Variants in POLE observed in about 807,000 individuals in gnomAD.
POLE encodes the protein DNA polymerase epsilon catalytic subunit A.
A neutral mutation model predicts 279.2 loss-of-function variants in POLE; 188 were observed. The observed-to-expected ratio is 0.67, with a 90% CI of 0.60 to 0.76. POLE has a LOEUF of 0.76. Ranked by LOEUF, POLE falls within the 30% of genes least tolerant of loss-of-function variation. The pLI, the probability that POLE is intolerant of heterozygous loss-of-function variation, is 0.00. For missense variants in POLE, 2,703 were observed against 3,016.7 expected (o/e 0.90, Z 2.44); for synonymous variants, 1,214 against 1,172.5 (o/e 1.04, Z -0.72).
At chr12:132,681,609 C>T (rs2043169517) in intron 1 of POLE, among the ~76,000 whole-genome samples, 1 of 151,742 alleles carries the variant, frequency 6.6e-6, no homozygotes, top group Non-Finnish European at 1.5e-5. Flanking sequence ...TTCTGCAACC[C>T]TCATCCCACC....
At chr12:132,685,414 A>G (rs554322985) in intron 1 of POLE, among the ~76,000 whole-genome samples, 1 of 152,366 alleles carries the variant, frequency 6.6e-6, no homozygotes, top group South Asian at 2.1e-4. Flanking sequence ...GACAACCCCT[A>G]CGAGGGAGGC....
At position 132,634,864 on chromosome 12, in the gene POLE, C is replaced by T. The variant is rs537840496; in HGVS notation, c.5812-486G>A. ...CCACACGCTGATCCCCTCCTCAGAG[C>T]GGTCTACACTGCCTGAGTTTCTACC... On this transcript the variant is annotated intron_variant, in intron 42 of 48. Transcript: ENST00000320574. The surrounding 1 kb of genome is among the most constrained non-coding windows in gnomAD (Gnocchi z 4.0). 2.0e-5 allele frequency among the ~76,000 whole-genome samples: 3 copies of T among 151,810 alleles called. No individual in the cohort carries two copies. The highest frequency in any genetic ancestry group is 6.6e-5 in the Admixed American group (1 of 15,260).
At chr12:132,686,169 G>C (rs2043259562) in intron 1 of POLE, among the ~76,000 whole-genome samples, 1 of 152,010 alleles carries the variant, frequency 6.6e-6, no homozygotes, top group South Asian at 2.1e-4. Context: ...GAGCCACCGC[G>C]CCGGGCCTCA....
intron 16 of POLE, among the ~76,000 whole-genome samples, chr12:132,671,147 C>A (rs1317981013): frequency 2.6e-5 from 4 of 151,272 alleles, no homozygotes; most frequent in Non-Finnish European, 5.9e-5. Context: ...CCTGTAATCC[C>A]AGCTACTCAG....
chr12:132,655,957 G>C (rs1051977044), intron 29 of POLE, among the ~76,000 whole-genome samples: 1 of 152,054 alleles, frequency 6.6e-6, no homozygotes, highest in Non-Finnish European at 1.5e-5. Context: ...GAGGTCAGGA[G>C]TTTGAGACCA....
chr12:132,657,027 C>T (rs566604008), intron 29 of POLE, 109 bp downstream of exon 29: 37 of 1,227,188 alleles, frequency 3.0e-5, no homozygotes, highest in East Asian at 4.7e-5. Flanking sequence ...AGTCCATTTT[C>T]GATGCTTGAA....
At position 132,665,410 on chromosome 12, in the gene POLE, T is replaced by C. The variant is rs1429203669; in HGVS notation, c.2360A>G (p.Asp787Gly). ...KKLSAAVEVG[D>G]AAEVKRCKNM... ...CTTGCAGCGCTTCACCTCAGCCGCG[T>C]CGCCCACCTCCACGGCCGCCGAGAG... Residue 787 changes from aspartate (D) to glycine (G), a missense_variant, in exon 21 of 49, where the codon GAC (aspartate) becomes GGC (glycine). Around this residue, in one of 5 missense-constraint regions of POLE, gnomAD observed 1,011 missense variants for 1,111.7 expected, o/e 0.91. Coordinates refer to ENST00000320574, the MANE Select transcript of POLE (RefSeq NM_006231.4). 3 of 1,613,266 alleles carry C rather than the reference T, an allele frequency of 1.9e-6. No individual in the cohort carries two copies. In the South Asian group the frequency reaches 3.3e-5, roughly 18 times the overall value.
At chr12:132,650,060 A>G (rs970437640) in intron 29 of POLE, among the ~76,000 whole-genome samples, 171 bp from the exon 30 acceptor site, 5 of 152,046 alleles carry the variant, frequency 3.3e-5, no homozygotes, top group African/African-American at 1.2e-4. Flanking sequence ...TATATTACAA[A>G]TTAGCCAGGC....
chr12:132,637,453 A>G (rs967069081), intron 41 of POLE, among the ~76,000 whole-genome samples: 3 of 152,100 alleles, frequency 2.0e-5, no homozygotes, highest in South Asian at 4.1e-4. Context: ...GCTGGTGGAG[A>G]TTTTTCTGTT....
chr12:132,686,852 C>A (rs1248044900), intron 1 of POLE, among the ~76,000 whole-genome samples: 3 of 151,810 alleles, frequency 2.0e-5, no homozygotes, highest in Non-Finnish European at 4.4e-5. Context: ...GGCCCCCAGG[C>A]AGGGTCCCCG....
chr12:132,643,944 A>G lies in POLE; in HGVS notation c.4183T>C (p.Tyr1395His), dbSNP rs752751096. 6 of 1,613,978 alleles carry G rather than the reference A, an allele frequency of 3.7e-6. No individual in the cohort carries two copies. Among genetic ancestry groups the G allele is most frequent in the Non-Finnish European group, 5.1e-6 (6 of 1,179,862 alleles). The change falls in exon 33 of 49, where the codon TAC (tyrosine) becomes CAC (histidine). Residue 1395 changes from tyrosine to histidine, a missense_variant. Transcript: ENST00000320574. ...NRVLPRSNMV[Y>H]NLYEYSVPED... is the part of the protein sequence containing the mutation. ...GGCACTGAATACTCATAGAGATTGT[A>G]GACCATGTTGGAGCGAGGAAGGACC...
chr12:132,664,495 T>A lies in POLE; in HGVS notation c.2469-33A>T. On this transcript the variant is annotated intron_variant, in intron 21 of 48. Coordinates refer to ENST00000320574, the MANE Select transcript of POLE (RefSeq NM_006231.4). The surrounding 1 kb of genome is among the most constrained non-coding windows in gnomAD (Gnocchi z 5.3). ...GACACCACAAACTGGTGGGTGGGGC[T>A]GGCATGGCTCCTCCAGGGGGTATCA... is the stretch of plus-strand genomic sequence containing the variant. 6.5e-7 allele frequency: 1 copy of A among 1,534,012 alleles called. No homozygotes were observed. Among genetic ancestry groups the A allele is most frequent in the Non-Finnish European group, 9.0e-7 (1 of 1,108,016 alleles).
chr12:132,637,073 C>T (rs1311977718), intron 41 of POLE, among the ~76,000 whole-genome samples: 1 of 152,202 alleles, frequency 6.6e-6, no homozygotes, highest in Non-Finnish European at 1.5e-5. Flanking sequence ...GCCAGCTTTC[C>T]CAGGCACACA....
At position 132,673,148 on chromosome 12, in the gene POLE, G is replaced by A. The variant is rs774333146; in HGVS notation, c.1473+16C>T. ...GCTGAGGAGGCCAGGGTGCCGACAG[G>A]ACAGATAATGCTCACCTCGTCGGGC... On this transcript the variant is annotated intron_variant, in intron 14 of 48. Coordinates refer to ENST00000320574, the MANE Select transcript of POLE (RefSeq NM_006231.4). 1.3e-6 allele frequency: 2 copies of A among 1,521,662 alleles called. No individual in the cohort carries two copies. Among genetic ancestry groups the A allele is most frequent in the East Asian group, 2.3e-5 (1 of 44,438 alleles). The allele number at this position is 1,521,662 out of a possible 1,614,324, so 94.3% of individuals were successfully genotyped here. A position where few individuals can be genotyped will look rare whatever the true frequency, so the allele number is the denominator to read the frequency against.
intron 45 of POLE, among the ~76,000 whole-genome samples, chr12:132,627,103 A>C (rs961167277): frequency 2.0e-5 from 3 of 152,232 alleles, no homozygotes; most frequent in Non-Finnish European, 4.4e-5. Context: ...CAACACAGTG[A>C]AACCCCATTT....
intron 41 of POLE, 78 bp downstream of exon 41, chr12:132,637,936 G>A (rs5744974): frequency 1.3e-6 from 2 of 1,531,470 alleles, no homozygotes; most frequent in Non-Finnish European, 1.8e-6. Context: ...CCCAGGAGGA[G>A]AGCTGGCACC....
chr12:132,624,702 G>A lies in POLE; in HGVS notation c.6856C>T (p.His2286Tyr). 6.2e-7 allele frequency: 1 copy of A among 1,601,664 alleles called. No individual in the cohort carries two copies. The highest frequency in any genetic ancestry group is 2.2e-5 in the East Asian group (1 of 44,832). ...WLLQKNPQLG[H>Y] is the part of the protein sequence containing the mutation. ...CACCCGGGGCCCGGGGCTGGCTAATGGCCCAGCTGTGGGTTCTTCTGCAGC... is the reference window on the plus strand; with the variant it reads ...CACCCGGGGCCCGGGGCTGGCTAATAGCCCAGCTGTGGGTTCTTCTGCAGC... The change falls in exon 49 of 49, where the codon CAT becomes TAT. Residue 2286 changes from histidine to tyrosine, a missense_variant. Coordinates refer to ENST00000320574, the MANE Select transcript of POLE (RefSeq NM_006231.4).
In POLE at chr12:132,634,167, C is replaced by A; in HGVS notation, c.6004+19G>T. ...AGTCCCTTCAGTGGGGGCTGCGCAG[C>A]CCTGGGCTCTGGGCTTACCTGAAAC... On this transcript the variant is annotated intron_variant, in intron 43 of 48. Coordinates refer to ENST00000320574, the MANE Select transcript of POLE (RefSeq NM_006231.4). This position sits in a 1 kb window ranked among gnomAD's most constrained non-coding sequence, Gnocchi z 4.0. 1 of 1,600,064 alleles carries A rather than the reference C, an allele frequency of 6.2e-7. No individual in the cohort carries two copies. Among genetic ancestry groups the A allele is most frequent in the Non-Finnish European group, 8.5e-7 (1 of 1,172,100 alleles).
At chr12:132,671,875 AC>A (rs1411129617) in intron 16 of POLE, among the ~76,000 whole-genome samples, 1 of 152,140 alleles carries the variant, frequency 6.6e-6, no homozygotes, top group Non-Finnish European at 1.5e-5. Context: ...AGTCTCAACA[AC>A]AAAAAGTAAA....
Sources: gnomAD v4.1 joint callset for allele counts (sites outside exome capture counted in the v4.1 genomes callset) on GRCh38, gnomAD v4.1.1 for gene constraint, gnomAD v4.1.1 regional missense constraint, Gnocchi (gnomAD v3.1) non-coding constraint, MANE v1.5 for transcripts, NCBI Gene and HGNC (gene_info 2026-07-23, HGNC 2026-07-21) for gene names.